Variants in TOX observed in about 807,000 individuals in gnomAD.
The protein encoded by TOX is thymocyte selection associated high mobility group box.
A neutral mutation model predicts 53.7 loss-of-function variants in TOX; 11 were observed. The observed-to-expected ratio is 0.20, with a 90% CI of 0.13 to 0.34. The LOEUF is 0.34. Ranked by LOEUF, TOX falls within the 10% of genes least tolerant of loss-of-function variation. The probability of loss-of-function intolerance (pLI) is 1.00; values close to 1 mark genes in which losing one functional copy is unlikely to be tolerated. For missense variants in TOX, 570 were observed against 664.6 expected, an observed-to-expected ratio of 0.86 and a Z score of 1.56; for synonymous variants, 225 against 245.3, an observed-to-expected ratio of 0.92 and a Z score of 0.77.
chr8:59,050,489 GAATT>G (rs1394942819), intron 1 of TOX, among the ~76,000 whole-genome samples: 10 of 152,006 alleles, frequency 6.6e-5, no homozygotes, highest in African/African-American at 1.7e-4. Context: ...TCAGATTAAT[GAATT>G]AAGTAGAATC....
intron 3 of TOX, among the ~76,000 whole-genome samples, chr8:58,938,024 T>C (rs1045810739): frequency 1.3e-5 from 2 of 151,396 alleles, no homozygotes; most frequent in Non-Finnish European, 2.9e-5. Flanking sequence ...TCTATACAAG[T>C]GGAATATAAT....
At chr8:58,856,765 G>A (rs982951992) in intron 3 of TOX, among the ~76,000 whole-genome samples, 3 of 149,326 alleles carry the variant, frequency 2.0e-5, no homozygotes, top group Non-Finnish European at 4.4e-5. Context: ...TTTTTTTCAA[G>A]TTCCTGCTGG....
intron 1 of TOX, among the ~76,000 whole-genome samples, chr8:59,037,222 T>C (rs1200792861): frequency 1.3e-5 from 2 of 151,754 alleles, no homozygotes; most frequent in African/African-American, 4.8e-5. Flanking sequence ...TTTGATTACA[T>C]CCTTGCTTGT....
chr8:58,848,389 T>C (rs1810753744), intron 4 of TOX, among the ~76,000 whole-genome samples: 1 of 152,078 alleles, frequency 6.6e-6, no homozygotes, highest in Admixed American at 6.6e-5. Context: ...TATTTTCATA[T>C]TTATAGTAAG....
intron 1 of TOX, among the ~76,000 whole-genome samples, chr8:58,988,668 T>G (rs1813383469): frequency 6.6e-6 from 1 of 152,240 alleles, no homozygotes; most frequent in African/African-American, 2.4e-5. Context: ...TTGGAAAGTC[T>G]GAGAAAATAA....
chr8:58,823,907 C>T (rs757149554), intron 6 of TOX, among the ~76,000 whole-genome samples: 1 of 152,136 alleles, frequency 6.6e-6, no homozygotes, highest in African/African-American at 2.4e-5. Flanking sequence ...GAAATGAATG[C>T]CTTGCCTAGA....
intron 2 of TOX, among the ~76,000 whole-genome samples, chr8:58,957,926 C>G (rs552454490): frequency 1.1e-4 from 16 of 152,228 alleles, no homozygotes; most frequent in African/African-American, 3.9e-4. Context: ...CACACTATTA[C>G]AGTAAACAAA....
chr8:58,946,371 C>A (rs1585917337), intron 2 of TOX, among the ~76,000 whole-genome samples: 1 of 152,100 alleles, frequency 6.6e-6, no homozygotes, highest in African/African-American at 2.4e-5. Context: ...AATATAATCT[C>A]TGATTTCTTT....
chr8:58,957,527 C>A (rs919047690), intron 2 of TOX, among the ~76,000 whole-genome samples: 5 of 152,194 alleles, frequency 3.3e-5, no homozygotes, highest in African/African-American at 1.2e-4. Flanking sequence ...AAAAGAATAT[C>A]ATTAATTTTT....
chr8:59,063,233 T>G (rs1804021444), intron 1 of TOX, among the ~76,000 whole-genome samples: 1 of 152,178 alleles, frequency 6.6e-6, no homozygotes, highest in Non-Finnish European at 1.5e-5. Context: ...TATGGGCTAA[T>G]TCAAAGGAGA....
intron 1 of TOX, among the ~76,000 whole-genome samples, chr8:59,035,021 G>A (rs1469976785): frequency 1.3e-5 from 2 of 152,134 alleles, no homozygotes. Flanking sequence ...GAGGTGCTCT[G>A]ATCCTCCCAG....
chr8:59,068,615 T>C (rs1342563557), intron 1 of TOX, among the ~76,000 whole-genome samples: 4 of 152,216 alleles, frequency 2.6e-5, no homozygotes, highest in African/African-American at 9.6e-5. Context: ...ACAGGTTTTG[T>C]TAATTTAATC....
chr8:58,934,734 C>T (rs976436425), intron 3 of TOX, among the ~76,000 whole-genome samples: 1 of 152,124 alleles, frequency 6.6e-6, no homozygotes, highest in Non-Finnish European at 1.5e-5. Context: ...GTCTTCCTTC[C>T]CATGCATTTT....
intron 3 of TOX, among the ~76,000 whole-genome samples, chr8:58,931,546 G>T (rs531797769): frequency 6.6e-6 from 1 of 152,240 alleles, no homozygotes; most frequent in Admixed American, 6.5e-5. Flanking sequence ...AGAGATTTTG[G>T]TTTAACTTTA....
intron 1 of TOX, among the ~76,000 whole-genome samples, chr8:58,988,430 A>G (rs557292762): frequency 6.6e-6 from 1 of 152,250 alleles, no homozygotes; most frequent in East Asian, 1.9e-4. Flanking sequence ...TTGCCACATC[A>G]ACTATCTGGC....
At chr8:58,979,040 CTTAAA>C (rs1813156297) in intron 1 of TOX, among the ~76,000 whole-genome samples, 1 of 152,122 alleles carries the variant, frequency 6.6e-6, no homozygotes, top group Non-Finnish European at 1.5e-5. Context: ...TTGGATTTTT[CTTAAA>C]TTAACATTAG....
At chr8:58,970,895 T>C (rs1055055527) in intron 1 of TOX, among the ~76,000 whole-genome samples, 5 of 152,248 alleles carry the variant, frequency 3.3e-5, no homozygotes, top group Non-Finnish European at 7.3e-5. Context: ...AATCAAAGTC[T>C]GTCCATGGAA....
At chr8:59,035,116 T>C (rs1387632136) in intron 1 of TOX, among the ~76,000 whole-genome samples, 1 of 152,186 alleles carries the variant, frequency 6.6e-6, no homozygotes, top group African/African-American at 2.4e-5. Flanking sequence ...TTATCTTGAG[T>C]GCCACTTTCA....
At chr8:59,018,536 G>A (rs1161933710) in intron 1 of TOX, among the ~76,000 whole-genome samples, 1 of 152,158 alleles carries the variant, frequency 6.6e-6, no homozygotes, top group Non-Finnish European at 1.5e-5. Context: ...ACAAGTCAAT[G>A]AATGTCTCTA....
Sources: allele counts gnomAD v4.1 joint callset (sites outside exome capture counted in the v4.1 genomes callset), GRCh38; gene constraint gnomAD v4.1.1; transcripts MANE v1.5; gene names NCBI Gene and HGNC (gene_info 2026-07-23, HGNC 2026-07-21).